The following PPP3CA variants were observed in gnomAD, a reference collection of about 807,000 sequenced individuals.
PPP3CA encodes the protein protein phosphatase 3 catalytic subunit alpha.
PPP3CA carries 14 observed loss-of-function variants against 66.5 expected under a neutral mutation model. That is an observed-to-expected ratio of 0.21 (90% CI 0.14 to 0.33). The LOEUF is 0.33. Among genes scored for constraint, PPP3CA ranks in the 10% least tolerant of loss-of-function variants. PPP3CA has a pLI of 1.00. For synonymous variants in PPP3CA, 232 were observed against 226.2 expected, an observed-to-expected ratio of 1.03 and a Z score of -0.23; for missense variants, 317 against 639.5, an observed-to-expected ratio of 0.50 and a Z score of 5.44.
chr4:101,180,794 G>A (rs1724211143), intron 2 of PPP3CA, among the ~76,000 whole-genome samples: 1 of 152,064 alleles, frequency 6.6e-6, no homozygotes, highest in South Asian at 2.1e-4. Context: ...AGCACTTTGG[G>A]GGGCCAAGGA....
intron 2 of PPP3CA, among the ~76,000 whole-genome samples, chr4:101,157,002 A>AT (rs1723345126): frequency 6.6e-6 from 1 of 152,224 alleles, no homozygotes; most frequent in Non-Finnish European, 1.5e-5. Context: ...GCAATCACAG[A>AT]TTAACATTCA....
chr4:101,333,964 C>T (rs1430712423), intron 1 of PPP3CA, among the ~76,000 whole-genome samples: 1 of 152,114 alleles, frequency 6.6e-6, no homozygotes, highest in Non-Finnish European at 1.5e-5. Context: ...GAGCCACACA[C>T]GCAGTGGGCA....
intron 1 of PPP3CA, among the ~76,000 whole-genome samples, chr4:101,250,933 T>C (rs146306840): frequency 2.6e-5 from 4 of 152,254 alleles, no homozygotes; most frequent in African/African-American, 9.6e-5. Context: ...ATCAGTTTGG[T>C]ATGATGACTA....
rs189242737 is a variant in PPP3CA, at chr4:101,204,520, C to T, written c.59-8404G>A. Among the ~76,000 whole-genome samples, 553 of 151,800 alleles carry T rather than the reference C, an allele frequency of 3.6e-3. 3 individuals carry two copies. Among genetic ancestry groups the T allele is most frequent in the African/African-American group, 0.013 (533 of 41,360 alleles). On this transcript the variant is annotated intron_variant, in intron 1 of 13. Transcript: ENST00000394854. ...GCGTGGTGGCAGGCGCCTGTAGTCC[C>T]AGCTACTCTGGAGGCTGAGGCAGGA...
At chr4:101,282,603 A>C (rs1727720435) in intron 1 of PPP3CA, among the ~76,000 whole-genome samples, 2 of 152,118 alleles carry the variant, frequency 1.3e-5, no homozygotes, top group Non-Finnish European at 2.9e-5. Flanking sequence ...TGGTCTATTC[A>C]CTTGTTGATT....
At chr4:101,031,080 C>A (rs1293687304) in intron 12 of PPP3CA, among the ~76,000 whole-genome samples, 9 of 64,138 alleles carry the variant, frequency 1.4e-4, no homozygotes, top group Non-Finnish European at 3.2e-4. Context: ...TGTAAAAACT[C>A]AAAAGACACT....
chr4:101,112,965 C>T (rs551015343), intron 2 of PPP3CA, among the ~76,000 whole-genome samples: 10 of 152,202 alleles, frequency 6.6e-5, no homozygotes, highest in African/African-American at 2.4e-4. Flanking sequence ...TGGGCCTACG[C>T]TATGCTTAAT....
rs141099345 is a variant in PPP3CA, at chr4:101,314,895, C to T, written c.58+31844G>A. On this transcript the variant is annotated intron_variant, in intron 1 of 13. Transcript: ENST00000394854. ...ATTTCTTCTTTTATAAAAATCACTT[C>T]GCAGAAGAACAACATATTTCATTTG... Among the ~76,000 whole-genome samples, 152 of 152,236 alleles carry T rather than the reference C, an allele frequency of 1.0e-3. 2 individuals carry two copies. Among genetic ancestry groups the T allele is most frequent in the African/African-American group, 3.4e-3 (143 of 41,536 alleles).
chr4:101,068,864 A>C (rs1728790841), intron 8 of PPP3CA, among the ~76,000 whole-genome samples: 1 of 152,204 alleles, frequency 6.6e-6, no homozygotes, highest in Non-Finnish European at 1.5e-5. Context: ...CATAAGCTTA[A>C]GTGAAAGTTA....
intron 1 of PPP3CA, among the ~76,000 whole-genome samples, chr4:101,337,109 A>T (rs574430017): frequency 2.0e-5 from 3 of 152,370 alleles, no homozygotes; most frequent in African/African-American, 7.2e-5. Flanking sequence ...TCACATTTAC[A>T]ACAAAAATAA....
At chr4:101,293,435 T>C (rs1343236577) in intron 1 of PPP3CA, among the ~76,000 whole-genome samples, 1 of 152,218 alleles carries the variant, frequency 6.6e-6, no homozygotes, top group African/African-American at 2.4e-5. Flanking sequence ...GGCTGTGTCC[T>C]TGTAAGAAAG....
chr4:101,270,877 T>C (rs750102958), intron 1 of PPP3CA, among the ~76,000 whole-genome samples: 7 of 152,206 alleles, frequency 4.6e-5, no homozygotes, highest in Non-Finnish European at 2.9e-5. Context: ...AGTGTGACTT[T>C]ATGAATTTTT....
intron 1 of PPP3CA, among the ~76,000 whole-genome samples, chr4:101,287,924 C>T (rs539143429): frequency 6.6e-6 from 1 of 151,990 alleles, no homozygotes; most frequent in African/African-American, 2.4e-5. Flanking sequence ...TTCAACAACC[C>T]AATTCCTGCT....
At chr4:101,231,662 C>A (rs1725966788) in intron 1 of PPP3CA, among the ~76,000 whole-genome samples, 1 of 151,718 alleles carries the variant, frequency 6.6e-6, no homozygotes, top group Admixed American at 6.6e-5. Context: ...CATTATAACA[C>A]ATATCTTGCT....
intron 8 of PPP3CA, among the ~76,000 whole-genome samples, chr4:101,073,604 T>A (rs1729019728): frequency 6.6e-6 from 1 of 152,142 alleles, no homozygotes. Flanking sequence ...AGAGGTTTTG[T>A]TTGTAATTTC....
chr4:101,223,308 C>T (rs889244363), intron 1 of PPP3CA, among the ~76,000 whole-genome samples: 2 of 151,716 alleles, frequency 1.3e-5, no homozygotes, highest in South Asian at 4.2e-4. Context: ...AGACCTAATG[C>T]AATCTCAGAT....
chr4:101,320,547 A>C (rs1284215994), intron 1 of PPP3CA, among the ~76,000 whole-genome samples: 1 of 151,652 alleles, frequency 6.6e-6, no homozygotes, highest in Non-Finnish European at 1.5e-5. Context: ...CCTCCAGTGG[A>C]GGGCGGAGGG....
At chr4:101,216,981 A>T (rs1725476768) in intron 1 of PPP3CA, among the ~76,000 whole-genome samples, 1 of 152,200 alleles carries the variant, frequency 6.6e-6, no homozygotes, top group Non-Finnish European at 1.5e-5. Context: ...AAATATGAAT[A>T]TCACAATTCA....
intron 2 of PPP3CA, among the ~76,000 whole-genome samples, chr4:101,124,419 T>C (rs1330165978): frequency 1.3e-5 from 2 of 151,316 alleles, no homozygotes; most frequent in Non-Finnish European, 2.9e-5. Context: ...TTCCTAGGAG[T>C]TCCAGACCAG....
Sources: gnomAD v4.1 joint callset for allele counts (sites outside exome capture counted in the v4.1 genomes callset) on GRCh38, gnomAD v4.1.1 for gene constraint, MANE v1.5 for transcripts, NCBI Gene and HGNC (gene_info 2026-07-23, HGNC 2026-07-21) for gene names.